The following C4orf51 variants were observed in gnomAD, a reference collection of about 807,000 sequenced individuals.
C4orf51 encodes the protein chromosome 4 open reading frame 51.
C4orf51 carries 25 observed loss-of-function variants against 25.2 expected under a neutral mutation model. That is an observed-to-expected ratio of 0.99 (90% CI 0.72 to 1.39). The LOEUF (loss-of-function observed/expected upper bound fraction) is 1.39. Among genes scored for constraint, C4orf51 ranks in the 40% most tolerant of loss-of-function variants. The pLI is 0.00. For missense variants in C4orf51, 252 were observed against 239.6 expected (o/e 1.05, Z -0.34); for synonymous variants, 100 against 84.5 (o/e 1.18, Z -1.01).
At chr4:145,702,956 C>T (rs1193053078) in intron 2 of C4orf51, among the ~76,000 whole-genome samples, 1 of 151,722 alleles carries the variant, frequency 6.6e-6, no homozygotes, top group Non-Finnish European at 1.5e-5. Context: ...TGAGAAACAT[C>T]GCCCATTCTC....
chr4:145,714,433 G>A (rs572243187), intron 2 of C4orf51, among the ~76,000 whole-genome samples: 10 of 152,162 alleles, frequency 6.6e-5, no homozygotes, highest in South Asian at 4.2e-4. Context: ...CAATCCTCAC[G>A]TGTTCATTAG....
At chr4:145,727,973 A>T (rs1199253982) in intron 3 of C4orf51, among the ~76,000 whole-genome samples, 5 of 126,730 alleles carry the variant, frequency 3.9e-5, no homozygotes. Flanking sequence ...ATATAATATA[A>T]TATATACATT....
intron 2 of C4orf51, among the ~76,000 whole-genome samples, chr4:145,704,335 A>G (rs1210872636): frequency 6.6e-6 from 1 of 152,258 alleles, no homozygotes; most frequent in African/African-American, 2.4e-5. Context: ...ATATGGCTTC[A>G]TTAATGAAGA....
intron 1 of C4orf51, among the ~76,000 whole-genome samples, chr4:145,749,838 G>A (rs1733574229): frequency 6.6e-6 from 1 of 152,020 alleles, no homozygotes; most frequent in African/African-American, 2.4e-5. Context: ...GTTTCACTGT[G>A]TTAGCCAGGA....
intron 1 of C4orf51, among the ~76,000 whole-genome samples, chr4:145,743,376 G>T (rs915344317): frequency 2.0e-5 from 3 of 152,164 alleles, no homozygotes; most frequent in Non-Finnish European, 4.4e-5. Flanking sequence ...CAGAAGGTGG[G>T]AGGGCAAGAG....
At chr4:145,696,503 A>C in intron 1 of C4orf51, 56 bp from the exon 2 acceptor site, 1 of 1,374,836 alleles carries the variant, frequency 7.3e-7, no homozygotes, top group Non-Finnish European at 1.0e-6. Context: ...CACAGGCTTC[A>C]TGTGATTTAT....
chr4:145,715,126 A>G lies in C4orf51; in HGVS notation c.308-11785A>G, dbSNP rs557027521. Reference sequence around the variant, plus strand: ...GAGAACAGGCTACAGGGGAAGGGGTAGTGATGCATGTGGGGCATTGGGTGT... The same window carrying G: ...GAGAACAGGCTACAGGGGAAGGGGTGGTGATGCATGTGGGGCATTGGGTGT... On this transcript the variant is annotated intron_variant, in intron 2 of 5. Transcript: ENST00000438731. 2.4e-3 allele frequency among the ~76,000 whole-genome samples: 359 copies of G among 152,282 alleles called. 2 individuals are homozygous for G. Among genetic ancestry groups the G allele is most frequent in the Non-Finnish European group, 4.4e-3 (300 of 68,006 alleles).
At chr4:145,745,537 T>TG (rs1258615346) in intron 1 of C4orf51, among the ~76,000 whole-genome samples, 2 of 152,230 alleles carry the variant, frequency 1.3e-5, no homozygotes, top group Admixed American at 1.3e-4. Context: ...TCTATGCTGT[T>TG]GCAAATGATT....
At position 145,729,965 on chromosome 4, in the gene C4orf51, T is replaced by C. The variant is rs1263927004; in HGVS notation, c.501T>C (p.His167=). 5.6e-6 allele frequency: 9 copies of C among 1,613,190 alleles called. 1 individual carries two copies. The Middle Eastern group carries it at 4.9e-4, about 88-fold the overall frequency. ...GACGAGGGAAAGGTGTCCTAAAGCA[T>C]GTAAGAATCTTTTTACTTGCCATGC... ...YSRRGKGVLK[H]LHGRCDSESK... Residue 167 remains histidine, a splice_region_variant and synonymous_variant, in exon 5 of 6, where the codon CAT becomes CAC. Transcript: ENST00000438731.
At chr4:145,691,908 T>A (rs1276244999) in intron 1 of C4orf51, among the ~76,000 whole-genome samples, 1 of 152,220 alleles carries the variant, frequency 6.6e-6, no homozygotes, top group Non-Finnish European at 1.5e-5. Context: ...CATGTACCCC[T>A]TGAGTCTAAA....
chr4:145,727,084 C>T, intron 3 of C4orf51, 115 bp downstream of exon 3: 1 of 760,894 alleles, frequency 1.3e-6, no homozygotes, highest in South Asian at 2.0e-5. Context: ...ACAATATTCA[C>T]CAAACGTTTA....
chr4:145,699,588 C>G (rs1275202687), intron 2 of C4orf51, among the ~76,000 whole-genome samples: 1 of 152,182 alleles, frequency 6.6e-6, no homozygotes, highest in Non-Finnish European at 1.5e-5. Flanking sequence ...ACCCAAAACT[C>G]TGGCGCCGGT....
At chr4:145,702,929 C>A (rs1030179381) in intron 2 of C4orf51, among the ~76,000 whole-genome samples, 13 of 151,816 alleles carry the variant, frequency 8.6e-5, no homozygotes, top group Non-Finnish European at 1.8e-4. Context: ...CGCCCCTAAT[C>A]CCGCTTGAAG....
intron 1 of C4orf51, among the ~76,000 whole-genome samples, chr4:145,685,294 T>C (rs761869918): frequency 6.6e-5 from 10 of 152,206 alleles, no homozygotes; most frequent in Non-Finnish European, 1.2e-4. Context: ...TTTAGGCCAT[T>C]AAAAAGCAAC....
chr4:145,753,042 GA>G (rs1459500786), intron 1 of C4orf51, among the ~76,000 whole-genome samples: 2 of 152,116 alleles, frequency 1.3e-5, no homozygotes, highest in Non-Finnish European at 2.9e-5. Context: ...GGCAATTTAA[GA>G]CTGTCTTTTC....
At chr4:145,680,473 C>T in intron 1 of C4orf51, 37 bp downstream of exon 1, 1 of 1,463,148 alleles carries the variant, frequency 6.8e-7, no homozygotes, top group Non-Finnish European at 9.5e-7. Context: ...GGATATATCA[C>T]TATAAATAGA....
chr4:145,767,748 T>C (rs758885833), intron 1 of C4orf51, among the ~76,000 whole-genome samples: 1 of 152,106 alleles, frequency 6.6e-6, no homozygotes, highest in Non-Finnish European at 1.5e-5. Flanking sequence ...CAACCTAAAA[T>C]CTTATACCCA....
At chr4:145,760,912 A>G in intron 1 of C4orf51, 1 of 1,234,038 alleles carries the variant, frequency 8.1e-7, no homozygotes, top group Non-Finnish European at 1.0e-6. Context: ...GGGGTATAAC[A>G]TTGTCAAGGG....
At chr4:145,708,752 TG>T (rs1221181752) in intron 2 of C4orf51, among the ~76,000 whole-genome samples, 1 of 152,250 alleles carries the variant, frequency 6.6e-6, no homozygotes, top group Non-Finnish European at 1.5e-5. Context: ...CTCTGTGCTA[TG>T]GGTCTATTGT....
Sources: gnomAD v4.1 joint callset for allele counts (sites outside exome capture counted in the v4.1 genomes callset) on GRCh38, gnomAD v4.1.1 for gene constraint, MANE v1.5 for transcripts, NCBI Gene and HGNC (gene_info 2026-07-23, HGNC 2026-07-21) for gene names.